Variants in EFL1 observed in about 807,000 individuals in gnomAD.
EFL1 encodes elongation factor-like GTPase 1.
EFL1 carries 76 observed loss-of-function variants against 126.7 expected under a neutral mutation model. The observed-to-expected ratio is 0.60, with a 90% CI of 0.50 to 0.73. EFL1 has a LOEUF of 0.73. EFL1 is among the 30% of genes least tolerant of loss of function. EFL1 has a pLI of 0.00. For synonymous variants in EFL1, 410 were observed against 448.4 expected, an observed-to-expected ratio of 0.91 and a Z score of 1.08; for missense variants, 1,128 against 1,343.2, an observed-to-expected ratio of 0.84 and a Z score of 2.50.
At chr15:82,248,350 C>T (rs373642136) in intron 4 of EFL1, among the ~76,000 whole-genome samples, 1 of 152,092 alleles carries the variant, frequency 6.6e-6, no homozygotes, top group Non-Finnish European at 1.5e-5. Context: ...CATGGGTAAA[C>T]GTTCACACAG....
At chr15:82,238,625 T>C in intron 6 of EFL1, 104 bp from the exon 7 acceptor site, 1 of 1,004,054 alleles carries the variant, frequency 1.0e-6, no homozygotes, top group Non-Finnish European at 1.5e-6. Flanking sequence ...CATTAGTCAG[T>C]TTGGGCTCAT....
At chr15:82,165,156 G>C (rs6495642) in intron 15 of EFL1, among the ~76,000 whole-genome samples, 101,458 of 151,764 alleles carry the variant, frequency 0.67, 35,544 homozygotes, top group African/African-American at 0.89. Flanking sequence ...ATAGTCCCAG[G>C]TACTTGAGAG....
rs746346197 is a variant in EFL1 at position 82,152,193 on chromosome 15, C to T, written c.2261G>A (p.Arg754Gln). ...TPNKLATLSV[R>Q]AMPLPEEVTQ... Reference sequence around the variant, plus strand: ...GACTTCTTCTGGAAGGGGCATGGCTCGAACACTGAGCGTGGCAAGTTTATT... The same window carrying T: ...GACTTCTTCTGGAAGGGGCATGGCTTGAACACTGAGCGTGGCAAGTTTATT... The change falls in exon 18 of 20, where the codon CGA becomes CAA. Residue 754 changes from arginine to glutamine, a missense_variant. By Grantham distance (43) the Arg-to-Gln change is conservative. This residue lies in a region of EFL1 where 561 missense variants were observed against 641.7 expected (regional missense o/e 0.87). Coordinates refer to ENST00000268206, the MANE Select transcript of EFL1 (RefSeq NM_024580.6). 16 of 1,614,016 alleles carry T rather than the reference C, an allele frequency of 9.9e-6. No individual in the cohort carries two copies. In the African/African-American group the frequency reaches 1.2e-4, roughly 12 times the overall value.
At chr15:82,216,744 A>C (rs2074651253) in intron 14 of EFL1, among the ~76,000 whole-genome samples, 1 of 152,152 alleles carries the variant, frequency 6.6e-6, no homozygotes, top group Non-Finnish European at 1.5e-5. Flanking sequence ...AGAAAACATA[A>C]GAGAGTTTTG....
At chr15:82,177,890 G>A (rs975580420) in intron 15 of EFL1, among the ~76,000 whole-genome samples, 1 of 152,180 alleles carries the variant, frequency 6.6e-6, no homozygotes, top group Non-Finnish European at 1.5e-5. Context: ...GCTGCAAAAT[G>A]TAGGTTAGGA....
At chr15:82,196,213 G>C (rs1434874831) in intron 15 of EFL1, among the ~76,000 whole-genome samples, 1 of 152,164 alleles carries the variant, frequency 6.6e-6, no homozygotes. Context: ...TCCTTTTGAG[G>C]AGCCCAGCTA....
chr15:82,241,677 T>A (rs141147786), intron 4 of EFL1, among the ~76,000 whole-genome samples: 24 of 152,374 alleles, frequency 1.6e-4, no homozygotes, highest in African/African-American at 5.3e-4. Context: ...ATACTCACTT[T>A]TAATGTGCTA....
intron 15 of EFL1, among the ~76,000 whole-genome samples, chr15:82,196,055 G>C (rs1206891144): frequency 1.3e-5 from 2 of 152,200 alleles, no homozygotes; most frequent in Non-Finnish European, 2.9e-5. Flanking sequence ...AGAAGAGACA[G>C]CGTGTACCGA....
chr15:82,134,143 A>G (rs2073693689), intron 19 of EFL1, among the ~76,000 whole-genome samples: 1 of 152,216 alleles, frequency 6.6e-6, no homozygotes, highest in African/African-American at 2.4e-5. Flanking sequence ...AGACATCTTC[A>G]CTACTCCTGC....
At chr15:82,223,708 T>C (rs2074734573) in intron 12 of EFL1, among the ~76,000 whole-genome samples, 1 of 152,210 alleles carries the variant, frequency 6.6e-6, no homozygotes, top group Non-Finnish European at 1.5e-5. Context: ...TATCCTACAT[T>C]TGTTACTACA....
chr15:82,180,359 C>CA (rs71156028), intron 15 of EFL1, among the ~76,000 whole-genome samples: 42,499 of 119,802 alleles, frequency 0.35, 8,219 homozygotes, highest in East Asian at 0.64. Flanking sequence ...ATTAAACTGG[C>CA]AAAAAAAAAA....
chr15:82,224,559 G>A (rs1253911149), intron 12 of EFL1, among the ~76,000 whole-genome samples: 1 of 152,182 alleles, frequency 6.6e-6, no homozygotes, highest in Admixed American at 6.5e-5. Context: ...AATGGCAAGT[G>A]GATCAGTGGA....
chr15:82,194,740 C>T (rs78269537), intron 15 of EFL1, among the ~76,000 whole-genome samples: 2 of 152,240 alleles, frequency 1.3e-5, no homozygotes, highest in East Asian at 3.9e-4. Context: ...GTAAGGCCTC[C>T]CTAGTTATGA....
chr15:82,143,763 T>C (rs963324170), intron 18 of EFL1, among the ~76,000 whole-genome samples: 5 of 152,164 alleles, frequency 3.3e-5, no homozygotes, highest in Non-Finnish European at 7.4e-5. Flanking sequence ...ACTATTATAA[T>C]CAGTGACTTA....
At chr15:82,182,151 G>A (rs1481385043) in intron 15 of EFL1, among the ~76,000 whole-genome samples, 1 of 152,192 alleles carries the variant, frequency 6.6e-6, no homozygotes, top group Non-Finnish European at 1.5e-5. Flanking sequence ...CCAGCTGTCA[G>A]GAGGCTGAGG....
At chr15:82,170,615 T>C (rs1231750346) in intron 15 of EFL1, among the ~76,000 whole-genome samples, 2 of 152,210 alleles carry the variant, frequency 1.3e-5, no homozygotes, top group Admixed American at 6.5e-5. Flanking sequence ...GTAGTGGCAG[T>C]GGTGGTTCTA....
rs139788447 is a variant in EFL1, at chr15:82,165,293, G to C, written c.1751-1309C>G. On this transcript the variant is annotated intron_variant, in intron 15 of 19. Transcript: ENST00000268206. ...AGAGAGAGAGTGAAAGAGAGAGAGC[G>C]AGAGAAACACACACACACGGGCCAT... Among the ~76,000 whole-genome samples the C allele has an allele frequency of 8.2e-3, 1,246 of 152,216 alleles. 19 individuals are homozygous for C. The highest frequency in any genetic ancestry group is 0.029 in the African/African-American group (1,187 of 41,510).
At chr15:82,238,859 G>T (rs2074901474) in intron 6 of EFL1, among the ~76,000 whole-genome samples, 1 of 152,074 alleles carries the variant, frequency 6.6e-6, no homozygotes, top group Non-Finnish European at 1.5e-5. Flanking sequence ...CACAATCCTA[G>T]TTTGTAACCT....
intron 19 of EFL1, 42 bp downstream of exon 19, chr15:82,138,616 A>G: frequency 6.2e-7 from 1 of 1,600,592 alleles, no homozygotes; most frequent in Non-Finnish European, 8.5e-7. Flanking sequence ...GAATGTATCC[A>G]TAGATGAGAA....
Sources: allele counts gnomAD v4.1 joint callset (sites outside exome capture counted in the v4.1 genomes callset), GRCh38; gene constraint gnomAD v4.1.1; regional missense constraint gnomAD v4.1.1; transcripts MANE v1.5; gene names NCBI Gene and HGNC (gene_info 2026-07-23, HGNC 2026-07-21).